Variants in ZNF566 observed in about 807,000 individuals in gnomAD.
ZNF566 encodes the protein zinc finger protein 566.
ZNF566 carries 27 observed loss-of-function variants against 32.8 expected under a neutral mutation model. The observed-to-expected ratio is 0.82, with a 90% CI of 0.61 to 1.14. The LOEUF (loss-of-function observed/expected upper bound fraction) is 1.14. ZNF566 is among the 50% of genes most tolerant of loss of function. ZNF566 has a pLI of 0.00. For missense variants in ZNF566, 402 were observed against 490.4 expected (o/e 0.82, Z 1.70); for synonymous variants, 154 against 159.5 (o/e 0.97, Z 0.26).
intron 4 of ZNF566, among the ~76,000 whole-genome samples, chr19:36,467,528 G>C (rs993951627): frequency 6.6e-6 from 1 of 151,118 alleles, no homozygotes; most frequent in African/African-American, 2.5e-5. Context: ...CGGGCACGGT[G>C]GCTCAAGACT....
rs74891778 is a variant in ZNF566 at position 36,466,800 on chromosome 19, G to A, written c.232+6111C>T. ...AAAAATACAGACAATTCGGCCAGGC[G>A]CAGTGGCTCATGCCTATAATCCCAG... On this transcript the variant is annotated intron_variant, in intron 4 of 4. Coordinates refer to ENST00000452939, the MANE Select transcript of ZNF566 (RefSeq NM_001145344.1). 1.1e-3 allele frequency among the ~76,000 whole-genome samples: 174 copies of A among 152,198 alleles called. 3 individuals carry two copies. In the East Asian group the frequency reaches 0.02, roughly 17 times the overall value.
At chr19:36,451,102 G>A (rs568887687) in intron 4 of ZNF566, among the ~76,000 whole-genome samples, 12 of 152,332 alleles carry the variant, frequency 7.9e-5, no homozygotes, top group African/African-American at 2.6e-4. Flanking sequence ...ACAGCCAAAT[G>A]TGGCTGGTAG....
At chr19:36,478,521 A>G (rs1038088011) in intron 1 of ZNF566, among the ~76,000 whole-genome samples, 1 of 151,782 alleles carries the variant, frequency 6.6e-6, no homozygotes, top group Non-Finnish European at 1.5e-5. Context: ...TGCATTCTCA[A>G]CACTCCTCAT....
intron 2 of ZNF566, 192 bp downstream of exon 2, chr19:36,476,357 C>A: frequency 5.0e-6 from 2 of 400,456 alleles, no homozygotes; most frequent in Non-Finnish European, 4.4e-6. Context: ...GTAATCAATT[C>A]TTTTTTTTTC....
At chr19:36,480,461 T>C (rs1352026756) in intron 1 of ZNF566, among the ~76,000 whole-genome samples, 1 of 151,188 alleles carries the variant, frequency 6.6e-6, no homozygotes, top group Non-Finnish European at 1.5e-5. Flanking sequence ...ATTTTTGTAT[T>C]TTTAGTGGAG....
intron 4 of ZNF566, among the ~76,000 whole-genome samples, chr19:36,458,432 T>C (rs1025842852): frequency 6.6e-6 from 1 of 152,136 alleles, no homozygotes; most frequent in Non-Finnish European, 1.5e-5. Context: ...ATCTCACTTA[T>C]ATATGAACTC....
At position 36,449,605 on chromosome 19, in the gene ZNF566, T is replaced by G. The variant is rs754189548; in HGVS notation, c.629A>C (p.His210Pro). ...ECKECGKSFRHPSRLTHHQKI... is the reference protein window; with the variant it reads ...ECKECGKSFRPPSRLTHHQKI... ...CTGATGATGAGTGAGTCTTGAGGGATGTCTAAAGGACTTTCCACATTCCTT... is the reference window on the plus strand; with the variant it reads ...CTGATGATGAGTGAGTCTTGAGGGAGGTCTAAAGGACTTTCCACATTCCTT... Residue 210 changes from histidine to proline, a missense_variant, in exon 5 of 5, where the codon CAT (histidine) becomes CCT (proline). This residue lies in a region of ZNF566 where 220 missense variants were observed against 241.9 expected (regional missense o/e 0.91). Coordinates refer to ENST00000452939, the MANE Select transcript of ZNF566 (RefSeq NM_001145344.1). 1.9e-6 allele frequency: 3 copies of G among 1,614,032 alleles called. No individual in the cohort carries two copies. The African/African-American group carries it at 4.0e-5, about 22-fold the overall frequency.
chr19:36,470,523 A>G (rs1392203646), intron 4 of ZNF566, among the ~76,000 whole-genome samples: 1 of 152,152 alleles, frequency 6.6e-6, no homozygotes, highest in African/African-American at 2.4e-5. Flanking sequence ...CCATCACTGT[A>G]TCTCAACCAG....
At chr19:36,487,342 A>C (rs2034192909) in intron 1 of ZNF566, among the ~76,000 whole-genome samples, 1 of 152,126 alleles carries the variant, frequency 6.6e-6, no homozygotes, top group Non-Finnish European at 1.5e-5. Context: ...CTAAGTATTA[A>C]CCCGGGAGAA....
intron 1 of ZNF566, among the ~76,000 whole-genome samples, chr19:36,488,360 G>C (rs1470895428): frequency 1.3e-5 from 2 of 152,166 alleles, no homozygotes; most frequent in Non-Finnish European, 2.9e-5. Context: ...CTGGCAAAGT[G>C]CTGGGATTAC....
intron 1 of ZNF566, among the ~76,000 whole-genome samples, chr19:36,484,034 G>C (rs2034097715): frequency 6.6e-6 from 1 of 152,088 alleles, no homozygotes; most frequent in Non-Finnish European, 1.5e-5. Context: ...CACCACACCT[G>C]GCTAATTTTT....
chr19:36,477,540 TGTTTGTTTG>T lies in ZNF566; in HGVS notation c.-59-933_-59-925del, dbSNP rs770875493. On this transcript the variant is annotated intron_variant, in intron 1 of 4. Coordinates refer to ENST00000452939, the MANE Select transcript of ZNF566 (RefSeq NM_001145344.1). Reference sequence around the variant, plus strand: ...TTTCTGTTTCTGTTTTTTTTTTGTTTGTTTGTTTGTTTTTTTGAGACGGAGTCTTGCTCT... The same window carrying T: ...TTTCTGTTTCTGTTTTTTTTTTGTTTTTTTTTTGAGACGGAGTCTTGCTCT... Among the ~76,000 whole-genome samples the T allele has an allele frequency of 8.1e-4, 70 of 86,162 alleles. 10 individuals are homozygous for T. The highest frequency in any genetic ancestry group is 3.5e-3 in the South Asian group (7 of 2,008). The allele number at this position is 86,162 out of a possible 152,430, so 56.5% of individuals were successfully genotyped here. A position where few individuals can be genotyped will look rare whatever the true frequency, so the allele number is the denominator to read the frequency against.
rs764303094 is a variant in ZNF566 at position 36,449,175 on chromosome 19, G to A, written c.1059C>T (p.Asp353=). 1 of 1,614,018 alleles carries A rather than the reference G, an allele frequency of 6.2e-7. No homozygotes were observed. The highest frequency in any genetic ancestry group is 8.5e-7 in the Non-Finnish European group (1 of 1,179,982). ...ECEKAFRSGS[D]LTRHQRIHTG... ...TATGAATTCTCTGATGTCTAGTAAG[G>A]TCTGAGCCAGAACGAAAAGCCTTTT... The change falls in exon 5 of 5, where the codon GAC becomes GAT. Residue 353 remains aspartate (D), a synonymous_variant. Transcript: ENST00000452939.
chr19:36,486,671 C>CA (rs759281599), intron 1 of ZNF566, among the ~76,000 whole-genome samples: 5,030 of 80,756 alleles, frequency 0.062, 279 homozygotes, highest in African/African-American at 0.17. Flanking sequence ...AACTCTGTCT[C>CA]AAAAAAAAAA....
chr19:36,466,680 G>A (rs1235761655), intron 4 of ZNF566, among the ~76,000 whole-genome samples: 1 of 152,144 alleles, frequency 6.6e-6, no homozygotes, highest in Non-Finnish European at 1.5e-5. Context: ...CGTAAACAGA[G>A]CTAAATTCAA....
At chr19:36,457,816 C>T (rs569618398) in intron 4 of ZNF566, among the ~76,000 whole-genome samples, 16 of 151,876 alleles carry the variant, frequency 1.1e-4, no homozygotes, top group African/African-American at 2.9e-4. Context: ...GCTTGAACCC[C>T]GGAGGCGGAG....
intron 2 of ZNF566, chr19:36,476,343 T>C: frequency 2.3e-6 from 1 of 430,066 alleles, no homozygotes; most frequent in Non-Finnish European, 4.1e-6. Flanking sequence ...CTAACAATGA[T>C]TATGTAATCA....
chr19:36,471,430 G>T (rs2033762707), intron 4 of ZNF566, among the ~76,000 whole-genome samples: 1 of 151,958 alleles, frequency 6.6e-6, no homozygotes, highest in Non-Finnish European at 1.5e-5. Context: ...CTCTGGGGCT[G>T]CTCCTCAAAC....
chr19:36,445,876 T>C lies in ZNF566; in HGVS notation c.*3101A>G, dbSNP rs2032981161. ...ACTTGGGAAGCTTATTTTATAGAAA[T>C]AAAACAGACAAGAATACAAAGTGTT... is the stretch of plus-strand genomic sequence containing the variant. On this transcript the variant is annotated 3_prime_UTR_variant, in exon 5 of 5. Transcript: ENST00000452939. 2 of 152,082 alleles carry C rather than the reference T, an allele frequency of 1.3e-5. No individual in the cohort carries two copies. Among genetic ancestry groups the C allele is most frequent in the Non-Finnish European group, 2.9e-5 (2 of 68,000 alleles). The allele number at this position is 152,082 out of a possible 1,614,324, so 9.4% of individuals were successfully genotyped here. A position where few individuals can be genotyped will look rare whatever the true frequency, so the allele number is the denominator to read the frequency against.
Sources: gnomAD v4.1 joint callset for allele counts (sites outside exome capture counted in the v4.1 genomes callset) on GRCh38, gnomAD v4.1.1 for gene constraint, gnomAD v4.1.1 regional missense constraint, MANE v1.5 for transcripts, NCBI Gene and HGNC (gene_info 2026-07-23, HGNC 2026-07-21) for gene names.